NSUN2: variants seen among roughly 807,000 people sequenced by gnomAD.
NSUN2 encodes RNA cytosine C(5)-methyltransferase NSUN2.
NSUN2 carries 63 observed loss-of-function variants against 92.7 expected under a neutral mutation model. The ratio of observed to expected loss-of-function variants is 0.68; its 90% CI spans 0.56 to 0.84. The LOEUF (loss-of-function observed/expected upper bound fraction) is 0.84, where lower values mean the gene tolerates loss of function less well. Among genes scored for constraint, NSUN2 ranks in the 40% least tolerant of loss-of-function variants. NSUN2 has a pLI of 0.00. For missense variants in NSUN2, 989 were observed against 964.9 expected (o/e 1.02, Z -0.33); for synonymous variants, 356 against 348.3 (o/e 1.02, Z -0.25).
rs1278640039 is a variant in NSUN2 at position 6,600,174 on chromosome 5, T to A, written c.2056A>T (p.Ile686Phe). ...VLCGWRGKAS[I>F]RTFVPKNERL... ...TCATTCTTGGGCACAAAAGTTCGAA[T>A]GGAGGCCTTTCCCCGCCATCCGCAT... The change falls in exon 19 of 19, where the codon ATT becomes TTT. Residue 686 changes from isoleucine to phenylalanine, a missense_variant. By Grantham distance (21) the Ile-to-Phe change is conservative. Transcript: ENST00000264670. 6.2e-7 allele frequency: 1 copy of A among 1,614,116 alleles called. No individual in the cohort carries two copies. Among genetic ancestry groups the A allele is most frequent in the African/African-American group, 1.3e-5 (1 of 74,940 alleles).
chr5:6,630,687 C>A (rs1737844633), intron 3 of NSUN2, among the ~76,000 whole-genome samples: 1 of 152,218 alleles, frequency 6.6e-6, no homozygotes, highest in African/African-American at 2.4e-5. Flanking sequence ...ACAAGCAAAT[C>A]TGTACCCCAT....
chr5:6,632,861 G>C, intron 1 of NSUN2, 23 bp downstream of exon 1: 5 of 1,536,800 alleles, frequency 3.3e-6, no homozygotes, highest in Non-Finnish European at 3.5e-6. Context: ...CCCCTGGCCC[G>C]CCCGCCGGGT....
intron 13 of NSUN2, 62 bp downstream of exon 13, chr5:6,607,138 T>C (rs1339120798): frequency 6.5e-7 from 1 of 1,548,608 alleles, no homozygotes; most frequent in Non-Finnish European, 8.9e-7. Context: ...GGGATCCCAT[T>C]TAATCCAAAA....
chr5:6,609,235 G>A lies in NSUN2; in HGVS notation c.1323+591C>T, dbSNP rs914883709. Among the ~76,000 whole-genome samples the A allele has an allele frequency of 5.9e-5, 9 of 152,288 alleles. No individual in the cohort carries two copies. The South Asian group carries it at 6.2e-4, about 11-fold the overall frequency. On this transcript the variant is annotated intron_variant, in intron 12 of 18. Coordinates refer to ENST00000264670, the MANE Select transcript of NSUN2 (RefSeq NM_017755.6). The stretch of plus-strand genomic sequence containing the variant: ...TTATGAACTAATAAATAATGCTGGC[G>A]TGATACAGGTGAGACAGCACGCATT...
chr5:6,625,093 G>A (rs1262941422), intron 4 of NSUN2, among the ~76,000 whole-genome samples: 2 of 150,020 alleles, frequency 1.3e-5, no homozygotes, highest in African/African-American at 4.9e-5. Context: ...CAAGAGCAAT[G>A]TGTGGTAAGA....
At chr5:6,621,811 T>C (rs574262928) in intron 6 of NSUN2, 15 of 475,740 alleles carry the variant, frequency 3.2e-5, no homozygotes, top group African/African-American at 2.6e-4. Context: ...AAAATAAAGC[T>C]CCCCCATGGT....
rs12522452 is a variant in NSUN2, at chr5:6,604,839, C to T, written c.1738-154G>A. On this transcript the variant is annotated intron_variant, in intron 15 of 18. Transcript: ENST00000264670. The stretch of plus-strand genomic sequence containing the variant: ...AACCCCGGTTAAGAACGAACTGATA[C>T]TCACAACTTGTGATTACGTCGTTTG... The T allele has an allele frequency of 0.041, 26,496 of 650,822 alleles. 1,926 individuals carry two copies. Among genetic ancestry groups the T allele is most frequent in the African/African-American group, 0.23 (12,861 of 54,742 alleles). 40.3% of individuals were successfully genotyped at this position (650,822 alleles called of 1,614,324 possible).
chr5:6,631,692 A>C (rs536886717), intron 3 of NSUN2, among the ~76,000 whole-genome samples, 181 bp downstream of exon 3: 1 of 152,354 alleles, frequency 6.6e-6, no homozygotes, highest in Non-Finnish European at 1.5e-5. Context: ...CAAATCGCAA[A>C]TCGCATGAAA....
At chr5:6,611,258 A>T (rs1736976624) in intron 10 of NSUN2, among the ~76,000 whole-genome samples, 173 bp from the exon 11 acceptor site, 1 of 152,210 alleles carries the variant, frequency 6.6e-6, no homozygotes, top group Admixed American at 6.5e-5. Flanking sequence ...GAAAATCCCC[A>T]AATTATTAAT....
At chr5:6,613,020 GC>G (rs1737066004) in intron 9 of NSUN2, among the ~76,000 whole-genome samples, 2 of 152,174 alleles carry the variant, frequency 1.3e-5, no homozygotes, top group African/African-American at 4.8e-5. Context: ...CATGCACACC[GC>G]CTCTGACAGA....
chr5:6,601,007 T>G (rs1007544413), intron 18 of NSUN2, among the ~76,000 whole-genome samples: 2 of 151,484 alleles, frequency 1.3e-5, no homozygotes, highest in Non-Finnish European at 2.9e-5. Context: ...TCTCTCAACT[T>G]ATCTGATTTC....
chr5:6,626,519 G>C (rs773601478), intron 3 of NSUN2, among the ~76,000 whole-genome samples: 7 of 151,960 alleles, frequency 4.6e-5, no homozygotes, highest in Non-Finnish European at 8.8e-5. Flanking sequence ...GATTACAGAC[G>C]TGTATTTTCA....
intron 4 of NSUN2, among the ~76,000 whole-genome samples, chr5:6,624,654 T>A (rs535351417): frequency 5.9e-5 from 9 of 152,338 alleles, no homozygotes; most frequent in South Asian, 2.1e-4. Flanking sequence ...AATGGGGTTA[T>A]GTGGCAGCAC....
intron 16 of NSUN2, 123 bp downstream of exon 16, chr5:6,604,482 G>A (rs1044247710): frequency 1.1e-4 from 111 of 993,446 alleles, no homozygotes; most frequent in Non-Finnish European, 1.6e-4. Flanking sequence ...AGGGTCAAGT[G>A]GCTGGTAGGT....
intron 3 of NSUN2, among the ~76,000 whole-genome samples, chr5:6,626,865 C>T (rs988471378): frequency 2.6e-5 from 4 of 152,158 alleles, no homozygotes; most frequent in East Asian, 1.9e-4. Context: ...TGTTTCCATG[C>T]GTCAAATTGT....
In NSUN2 at chr5:6,623,074, G is replaced by A. The variant is rs112399075; in HGVS notation, c.537+140C>T. ...AAAAAAAAAAAAGAAACTAAGATAC[G>A]TACATATCACTCTCTATCCAAAGTG... On this transcript the variant is annotated intron_variant, in intron 5 of 18. Transcript: ENST00000264670. 1,277 of 473,990 alleles carry A rather than the reference G, an allele frequency of 2.7e-3. 15 individuals are homozygous for A. The highest frequency in any genetic ancestry group is 0.024 in the African/African-American group (1,167 of 48,256). 29.4% of individuals were successfully genotyped at this position (473,990 alleles called of 1,614,324 possible). A position where few individuals can be genotyped will look rare whatever the true frequency, so the allele number is the denominator to read the frequency against.
chr5:6,631,127 A>T (rs529744051), intron 3 of NSUN2, among the ~76,000 whole-genome samples: 2 of 152,320 alleles, frequency 1.3e-5, no homozygotes, highest in African/African-American at 4.8e-5. Context: ...AAAACGGCTT[A>T]ATTCACCTTT....
At chr5:6,612,129 C>T (rs1056257458) in intron 9 of NSUN2, among the ~76,000 whole-genome samples, 8 of 152,142 alleles carry the variant, frequency 5.3e-5, no homozygotes, top group Admixed American at 1.3e-4. Flanking sequence ...AATGAGCAAA[C>T]ATTAACAATA....
intron 7 of NSUN2, among the ~76,000 whole-genome samples, chr5:6,618,548 G>C (rs1251302269): frequency 6.6e-6 from 1 of 151,864 alleles, no homozygotes; most frequent in South Asian, 2.1e-4. Context: ...AAATACTATT[G>C]AAAAACTCAG....
Sources: gnomAD v4.1 joint callset for allele counts (sites outside exome capture counted in the v4.1 genomes callset) on GRCh38, gnomAD v4.1.1 for gene constraint, MANE v1.5 for transcripts, NCBI Gene and HGNC (gene_info 2026-07-23, HGNC 2026-07-21) for gene names.